Variants in SYNE2 observed in about 807,000 individuals in gnomAD.
SYNE2 encodes spectrin repeat containing nuclear envelope protein 2.
Under a neutral mutation model 856.3 loss-of-function variants are expected in SYNE2, and 431 were observed. That is an observed-to-expected ratio of 0.50 (90% confidence interval 0.47 to 0.55). SYNE2 has a LOEUF of 0.55. SYNE2 is among the 20% of genes least tolerant of loss of function. The pLI is 0.00. For missense variants in SYNE2, 8,129 were observed against 8,023.2 expected, an observed-to-expected ratio of 1.01 and a Z score of -0.50; for synonymous variants, 2,923 against 2,872.3, an observed-to-expected ratio of 1.02 and a Z score of -0.56.
At chr14:64,219,104 G>GGT in intron 109 of SYNE2, 104 bp from the exon 110 acceptor site, 1 of 407,786 alleles carries the variant, frequency 2.5e-6, no homozygotes, top group Non-Finnish European at 4.0e-6. Context: ...CAGTTTTTTT[G>GGT]TTTTTTTTTT....
rs1369723578 is a variant in SYNE2 at position 64,065,597 on chromosome 14, T to A, written c.10378T>A (p.Trp3460Arg). ...WLSLLEAAKE[W>R]EMWCEELKQE... is the part of the protein sequence containing the mutation. The stretch of plus-strand genomic sequence containing the variant: ...GAGTTTGCTGGAAGCTGCTAAAGAG[T>A]GGGAGATGTGGTGCGAAGAACTGAA... Residue 3460 changes from tryptophan (W) to arginine (R), a missense_variant, in exon 51 of 116, where the codon TGG becomes AGG. This residue lies in a region of SYNE2 where 5,410 missense variants were observed against 5,284.8 expected (regional missense o/e 1.02). Coordinates refer to ENST00000555002, the MANE Select transcript of SYNE2 (RefSeq NM_182914.3). 1 of 1,613,714 alleles carries A rather than the reference T, an allele frequency of 6.2e-7. No homozygotes were observed. Among genetic ancestry groups the A allele is most frequent in the Non-Finnish European group, 8.5e-7 (1 of 1,179,978 alleles).
At chr14:64,216,226 C>T (rs572075403) in intron 107 of SYNE2, 22 bp from the exon 108 acceptor site, 158 of 1,613,854 alleles carry the variant, frequency 9.8e-5, no homozygotes, top group South Asian at 5.2e-4. Flanking sequence ...AATAGACTGT[C>T]GCTTGCTGTC....
Position 64,212,896 on chromosome 14 carries a change from C to T in SYNE2, c.18947C>T (p.Pro6316Leu). 6.2e-7 allele frequency: 1 copy of T among 1,614,118 alleles called. No homozygotes were observed. The highest frequency in any genetic ancestry group is 2.2e-5 in the East Asian group (1 of 44,880). Residue 6316 changes from proline (P) to leucine (L), a missense_variant, in exon 105 of 116, where the codon CCC becomes CTC. Around this residue, in one of 3 missense-constraint regions of SYNE2, gnomAD observed 5,410 missense variants for 5,284.8 expected, o/e 1.02. Transcript: ENST00000555002. ...GAGCAGCTGATTCAGAAGAGCGAGC[C>T]CCTGGATGCTGTGCTGATTGAGGAT... is the stretch of plus-strand genomic sequence containing the variant. ...FGEQLIQKSE[P>L]LDAVLIEDEL...
chr14:64,096,361 A>C (rs2097677078), intron 61 of SYNE2, among the ~76,000 whole-genome samples: 1 of 152,188 alleles, frequency 6.6e-6, no homozygotes. Context: ...ATCAGTGCAA[A>C]TGTCAGTATG....
intron 2 of SYNE2, among the ~76,000 whole-genome samples, chr14:63,935,885 T>C (rs1305288589): frequency 6.6e-6 from 1 of 152,120 alleles, no homozygotes; most frequent in African/African-American, 2.4e-5. Context: ...ATTATTATTA[T>C]TATTATTGAG....
intron 1 of SYNE2, among the ~76,000 whole-genome samples, chr14:63,898,199 A>C (rs570999698): frequency 6.6e-6 from 1 of 151,846 alleles, no homozygotes; most frequent in South Asian, 2.1e-4. Flanking sequence ...CCTCCTTCCC[A>C]TGTAATCTTC....
At chr14:64,042,753 A>T (rs1375440560) in intron 45 of SYNE2, among the ~76,000 whole-genome samples, 1 of 85,540 alleles carries the variant, frequency 1.2e-5, no homozygotes, top group Non-Finnish European at 3.1e-5. Context: ...TAAATCCATT[A>T]AACCTCTTTC....
intron 45 of SYNE2, among the ~76,000 whole-genome samples, chr14:64,045,126 C>CTT (rs1445849580): frequency 6.6e-6 from 1 of 152,114 alleles, no homozygotes; most frequent in Admixed American, 6.6e-5. Context: ...AGCAAAGGAC[C>CTT]TTTTACATTT....
chr14:63,948,782 G>GTATGTA lies in SYNE2; in HGVS notation c.409-1040_409-1039insGTATAT, dbSNP rs2096090676. On this transcript the variant is annotated intron_variant, in intron 6 of 115. Coordinates refer to ENST00000555002, the MANE Select transcript of SYNE2 (RefSeq NM_182914.3). ...TATGTATATATATGTATGTGTGTGT[G>GTATGTA]TATATATATATATATATATATATAT... Among the ~76,000 whole-genome samples, 3 of 43,900 alleles carry GTATGTA rather than the reference G, an allele frequency of 6.8e-5. 1 individual carries two copies. The highest frequency in any genetic ancestry group is 1.6e-4 in the African/African-American group (2 of 12,428). The allele number at this position is 43,900 out of a possible 152,430, so 28.8% of individuals were successfully genotyped here. A position where few individuals can be genotyped will look rare whatever the true frequency, so the allele number is the denominator to read the frequency against.
chr14:63,836,844 G>A (rs550853880), intron 1 of SYNE2, among the ~76,000 whole-genome samples: 2 of 152,264 alleles, frequency 1.3e-5, no homozygotes, highest in East Asian at 1.9e-4. Context: ...ACATTACAGC[G>A]AATTCTCATC....
At chr14:64,194,212 T>C (rs1226410029) in intron 99 of SYNE2, among the ~76,000 whole-genome samples, 2 of 152,230 alleles carry the variant, frequency 1.3e-5, no homozygotes, top group African/African-American at 4.8e-5. Context: ...AGAAATATTA[T>C]ATGCTACTAC....
chr14:63,817,891 G>A (rs1169320474), intron 1 of SYNE2, among the ~76,000 whole-genome samples: 2 of 151,846 alleles, frequency 1.3e-5, no homozygotes, highest in African/African-American at 4.8e-5. Context: ...CGAGCATGGT[G>A]GTGCATACCT....
chr14:64,087,659 G>C lies in SYNE2; in HGVS notation c.11485-12G>C. On this transcript the variant is annotated splice_polypyrimidine_tract_variant and intron_variant, in intron 57 of 115. Transcript: ENST00000555002. The stretch of plus-strand genomic sequence containing the variant: ...TGTTTCTCTCTATTTTTCCCATTCT[G>C]TGTTTATCTAGATGGCTTTGGAAGA... 1.2e-6 allele frequency: 2 copies of C among 1,613,556 alleles called. No individual in the cohort carries two copies. Among genetic ancestry groups the C allele is most frequent in the Non-Finnish European group, 1.7e-6 (2 of 1,179,674 alleles).
chr14:64,210,682 TA>T (rs1435202331), intron 103 of SYNE2, among the ~76,000 whole-genome samples: 1 of 152,222 alleles, frequency 6.6e-6, no homozygotes, highest in Non-Finnish European at 1.5e-5. Flanking sequence ...ATGTGCTGTG[TA>T]AACCTGTGTG....
At chr14:64,225,145 GTTTTC>G (rs2098713302) in intron 115 of SYNE2, 100 bp downstream of exon 115, 15 of 1,556,540 alleles carry the variant, frequency 9.6e-6, no homozygotes, top group East Asian at 4.5e-5. Flanking sequence ...CAAAAATCTG[GTTTTC>G]TTTTGTCTGG....
At chr14:63,994,384 G>A (rs2096695736) in intron 22 of SYNE2, among the ~76,000 whole-genome samples, 1 of 152,128 alleles carries the variant, frequency 6.6e-6, no homozygotes, top group South Asian at 2.1e-4. Context: ...ATATATCTAT[G>A]TCTATGTAAG....
At position 64,098,753 on chromosome 14, in the gene SYNE2, A is replaced by G; in HGVS notation, c.12313A>G (p.Arg4105Gly). The change falls in exon 63 of 116, where the codon AGA becomes GGA. Residue 4105 changes from arginine to glycine, a missense_variant. Coordinates refer to ENST00000555002, the MANE Select transcript of SYNE2 (RefSeq NM_182914.3). ...CTTGTGCTGTGCCTTTCAGTTGAAC[A>G]GAAGAGGCTCCATGTCTTACCTGGC... ...ERDASERKLNRRGSMSYLAAV... is the reference protein window; with the variant it reads ...ERDASERKLNGRGSMSYLAAV... The G allele has an allele frequency of 6.2e-7, 1 of 1,614,044 alleles. No individual in the cohort carries two copies. The highest frequency in any genetic ancestry group is 8.5e-7 in the Non-Finnish European group (1 of 1,180,016).
In SYNE2 at chr14:64,052,084, A is replaced by T. The variant is rs759977701; in HGVS notation, c.8171A>T (p.Glu2724Val). ...ETLEPLHLEA[E>V]NQIKKCDIRN... ...TTGGAGCCATTACACTTAGAAGCAG[A>T]AAATCAGATTAAGAAGTGTGACATA... The change falls in exon 48 of 116, where the codon GAA becomes GTA. Residue 2724 changes from glutamate (E) to valine (V), a missense_variant. Coordinates refer to ENST00000555002, the MANE Select transcript of SYNE2 (RefSeq NM_182914.3). 1.6e-5 allele frequency: 26 copies of T among 1,614,126 alleles called. 1 individual carries two copies. The highest frequency in any genetic ancestry group is 1.9e-5 in the Non-Finnish European group (22 of 1,180,044).
At chr14:64,223,557 T>C (rs2098704438) in intron 113 of SYNE2, among the ~76,000 whole-genome samples, 177 bp downstream of exon 113, 1 of 152,156 alleles carries the variant, frequency 6.6e-6, no homozygotes. Flanking sequence ...CATGAGCTCT[T>C]TGAATCTGTT....
Sources: gnomAD v4.1 joint callset for allele counts (sites outside exome capture counted in the v4.1 genomes callset) on GRCh38, gnomAD v4.1.1 for gene constraint, gnomAD v4.1.1 regional missense constraint, MANE v1.5 for transcripts, NCBI Gene and HGNC (gene_info 2026-07-23, HGNC 2026-07-21) for gene names.